TUSC3: variants seen among roughly 807,000 people sequenced by gnomAD.
The protein encoded by TUSC3 is dolichyl-diphosphooligosaccharide--protein glycosyltransferase subunit TUSC3.
TUSC3 carries 45 observed loss-of-function variants against 44.8 expected under a neutral mutation model. That is an observed-to-expected ratio of 1.00 (90% CI 0.79 to 1.29). The LOEUF (loss-of-function observed/expected upper bound fraction) is 1.29. Among genes scored for constraint, TUSC3 ranks in the 50% most tolerant of loss-of-function variants. The pLI, the probability that TUSC3 is intolerant of heterozygous loss-of-function variation, is 0.00. For synonymous variants in TUSC3, 212 were observed against 152.9 expected (o/e 1.39, Z -2.85); for missense variants, 519 against 437.9 (o/e 1.19, Z -1.65).
chr8:15,498,670 T>G (rs1800914335), intron 2 of TUSC3, among the ~76,000 whole-genome samples: 1 of 152,206 alleles, frequency 6.6e-6, no homozygotes, highest in Non-Finnish European at 1.5e-5. Flanking sequence ...GCCTTCTTAG[T>G]CAAGCTCAGA....
chr8:15,474,953 T>C (rs1163898582), intron 1 of TUSC3, among the ~76,000 whole-genome samples: 1 of 152,224 alleles, frequency 6.6e-6, no homozygotes, highest in African/African-American at 2.4e-5. Context: ...ATTGAAGTCA[T>C]GTCCCTTCTG....
chr8:15,494,740 C>G (rs932512299), intron 2 of TUSC3, among the ~76,000 whole-genome samples: 2 of 152,152 alleles, frequency 1.3e-5, no homozygotes, highest in African/African-American at 2.4e-5. Flanking sequence ...ACAGAACGGA[C>G]TTTTCTGGAC....
intron 1 of TUSC3, among the ~76,000 whole-genome samples, chr8:15,598,624 A>G (rs1804162113): frequency 6.6e-6 from 1 of 151,496 alleles, no homozygotes; most frequent in Non-Finnish European, 1.5e-5. Context: ...ACCCTCTGGC[A>G]ACCACTGATC....
intron 7 of TUSC3, among the ~76,000 whole-genome samples, chr8:15,738,655 C>A (rs1342799209): frequency 2.0e-5 from 3 of 152,064 alleles, no homozygotes; most frequent in Non-Finnish European, 4.4e-5. Context: ...AAAATCCACA[C>A]TTTTATTAAC....
At chr8:15,699,900 A>C (rs1563179933) in intron 6 of TUSC3, among the ~76,000 whole-genome samples, 1 of 152,208 alleles carries the variant, frequency 6.6e-6, no homozygotes, top group Non-Finnish European at 1.5e-5. Context: ...AAGCATCAGC[A>C]AAAGCCTCTA....
At chr8:15,769,717 C>A (rs1203714213), downstream of TUSC3, among the ~76,000 whole-genome samples, 2 of 151,966 alleles carry the variant, frequency 1.3e-5, no homozygotes, top group South Asian at 4.1e-4. Flanking sequence ...CTACAAAGAA[C>A]TGAAATTTAT....
At chr8:15,422,640 G>A (rs577800645) in intron 1 of TUSC3, among the ~76,000 whole-genome samples, 2 of 152,150 alleles carry the variant, frequency 1.3e-5, no homozygotes, top group Admixed American at 6.5e-5. Flanking sequence ...TTGGTTGATT[G>A]GTTGATTGGT....
chr8:15,804,398 T>G, the TUSC3 span, among the ~76,000 whole-genome samples: 1 of 152,222 alleles, frequency 6.6e-6, no homozygotes, highest in Non-Finnish European at 1.5e-5. Context: ...CATAAATTAT[T>G]TCTTAAGGCT....
At chr8:15,833,548 G>A in the TUSC3 span, among the ~76,000 whole-genome samples, 140,186 of 152,220 alleles carry the variant, frequency 0.92, 64,838 homozygotes, top group Non-Finnish European at 0.96. Context: ...GAAGATGGAC[G>A]GAGCTGGAGG....
chr8:15,606,562 T>C (rs1804536515), intron 1 of TUSC3, among the ~76,000 whole-genome samples: 1 of 152,080 alleles, frequency 6.6e-6, no homozygotes, highest in African/African-American at 2.4e-5. Flanking sequence ...ATTGTGGATA[T>C]TCTTGTAGGT....
rs1165350714 is a variant in TUSC3 at position 15,657,335 on chromosome 8, A to G, written c.427-2172A>G. ...ATGCATTTAAAGTAAGCCATACTGCATCCAGAATGTTTTGCTGCTTAGATA... is the reference window on the plus strand; with the variant it reads ...ATGCATTTAAAGTAAGCCATACTGCGTCCAGAATGTTTTGCTGCTTAGATA... On this transcript the variant is annotated intron_variant, in intron 3 of 10. Coordinates refer to ENST00000503731, the MANE Select transcript of TUSC3 (RefSeq NM_006765.4). Among the ~76,000 whole-genome samples the G allele has an allele frequency of 3.9e-5, 6 of 152,278 alleles. No individual in the cohort carries two copies. In the South Asian group the frequency reaches 6.2e-4, roughly 16 times the overall value.
chr8:15,555,139 C>CTTTTTT (rs60676527), intron 1 of TUSC3, among the ~76,000 whole-genome samples: 2 of 93,582 alleles, frequency 2.1e-5, no homozygotes, highest in South Asian at 3.6e-4. Flanking sequence ...TAATAGCAGT[C>CTTTTTT]TTTTTTTTTT....
intron 1 of TUSC3, among the ~76,000 whole-genome samples, chr8:15,610,553 A>C (rs1804714420): frequency 6.6e-6 from 1 of 152,182 alleles, no homozygotes; most frequent in South Asian, 2.1e-4. Flanking sequence ...TTAAGTTCTT[A>C]TTGTTATACT....
chr8:15,790,655 C>T, the TUSC3 span, among the ~76,000 whole-genome samples: 2 of 152,144 alleles, frequency 1.3e-5, no homozygotes, highest in Admixed American at 6.5e-5. Flanking sequence ...CTCACAACCT[C>T]TACCTAGAAG....
chr8:15,547,841 A>G (rs1471265067), intron 1 of TUSC3, among the ~76,000 whole-genome samples: 3 of 151,714 alleles, frequency 2.0e-5, no homozygotes, highest in African/African-American at 7.2e-5. Flanking sequence ...TGAAGGGGAA[A>G]GAAAATTTAT....
the TUSC3 span, among the ~76,000 whole-genome samples, chr8:15,777,446 A>G: frequency 7.2e-5 from 11 of 152,296 alleles, no homozygotes; most frequent in South Asian, 2.3e-3. Context: ...TGGGTAAAAT[A>G]TATACATCCC....
intron 1 of TUSC3, among the ~76,000 whole-genome samples, chr8:15,601,541 G>C (rs563241954): frequency 6.6e-6 from 1 of 151,790 alleles, no homozygotes; most frequent in African/African-American, 2.4e-5. Context: ...TTAATAAGCT[G>C]GAGGCCACAC....
intron 1 of TUSC3, among the ~76,000 whole-genome samples, chr8:15,462,505 C>A (rs556978213): frequency 7.9e-5 from 12 of 152,164 alleles, no homozygotes; most frequent in Admixed American, 6.5e-4. Flanking sequence ...AGCCTCTACA[C>A]AACGACTGCC....
intron 7 of TUSC3, among the ~76,000 whole-genome samples, chr8:15,738,978 A>C (rs80151487): frequency 0.013 from 1,897 of 151,406 alleles, 39 homozygotes; most frequent in African/African-American, 0.044. Context: ...CACCACAGGC[A>C]CGCGCCACCA....
Sources: gnomAD v4.1 joint callset for allele counts (sites outside exome capture counted in the v4.1 genomes callset) on GRCh38, gnomAD v4.1.1 for gene constraint, MANE v1.5 for transcripts, NCBI Gene and HGNC (gene_info 2026-07-23, HGNC 2026-07-21) for gene names.